Variants in MSRB3 observed in about 807,000 individuals in gnomAD.
MSRB3 encodes methionine sulfoxide reductase B3, also known as methionine-R-sulfoxide reductase B3.
A neutral mutation model predicts 21.0 loss-of-function variants in MSRB3; 13 were observed. The ratio of observed to expected loss-of-function variants is 0.62; its 90% confidence interval spans 0.40 to 0.98. MSRB3 has a LOEUF of 0.98. Among genes scored for constraint, MSRB3 ranks in the 50% least tolerant of loss-of-function variants. The pLI is 0.00. For synonymous variants in MSRB3, 87 were observed against 88.6 expected (o/e 0.98, Z 0.10); for missense variants, 199 against 230.3 (o/e 0.86, Z 0.88).
intron 5 of MSRB3, among the ~76,000 whole-genome samples, chr12:65,432,749 G>A (rs555063918): frequency 6.6e-6 from 1 of 152,004 alleles, no homozygotes; most frequent in Admixed American, 6.6e-5. Context: ...GTTCAAGCCT[G>A]TTGGCTTAAT....
intron 5 of MSRB3, among the ~76,000 whole-genome samples, chr12:65,401,970 A>C (rs1880151661): frequency 6.6e-6 from 1 of 152,202 alleles, no homozygotes; most frequent in Non-Finnish European, 1.5e-5. Context: ...GAGTTTCTGC[A>C]GAAAGATCTG....
At chr12:65,411,119 GT>G (rs1880695512) in intron 5 of MSRB3, among the ~76,000 whole-genome samples, 1 of 152,172 alleles carries the variant, frequency 6.6e-6, no homozygotes, top group Non-Finnish European at 1.5e-5. Context: ...ATAGAGGCCT[GT>G]TTTCAGATTC....
chr12:65,284,753 C>A (rs566808085), intron 1 of MSRB3: 1 of 152,116 alleles, frequency 6.6e-6, no homozygotes, highest in Non-Finnish European at 1.5e-5. Flanking sequence ...TAAAAGATGC[C>A]GAGTCGGTAT....
At chr12:65,291,261 T>G (rs1471058481) in intron 1 of MSRB3, among the ~76,000 whole-genome samples, 1 of 151,982 alleles carries the variant, frequency 6.6e-6, no homozygotes, top group Admixed American at 6.6e-5. Flanking sequence ...AATCTTTGTA[T>G]TTTTAGAAGA....
intron 5 of MSRB3, among the ~76,000 whole-genome samples, chr12:65,430,660 C>T (rs1881831683): frequency 6.6e-6 from 1 of 152,080 alleles, no homozygotes; most frequent in Non-Finnish European, 1.5e-5. Context: ...AAAACTTGAC[C>T]TCCTTCTTTC....
intron 5 of MSRB3, among the ~76,000 whole-genome samples, chr12:65,384,877 C>G (rs1879129942): frequency 6.6e-6 from 1 of 152,110 alleles, no homozygotes; most frequent in Non-Finnish European, 1.5e-5. Context: ...CATTTGGAAA[C>G]AGGCCATTTT....
chr12:65,439,986 T>TA (rs1882295691), intron 5 of MSRB3, among the ~76,000 whole-genome samples: 1 of 151,778 alleles, frequency 6.6e-6, no homozygotes, highest in Non-Finnish European at 1.5e-5. Flanking sequence ...ATAATAAACT[T>TA]ACATTGGCAT....
At chr12:65,457,521 TC>T (rs1200849818) in intron 6 of MSRB3, among the ~76,000 whole-genome samples, 2 of 152,172 alleles carry the variant, frequency 1.3e-5, no homozygotes, top group Non-Finnish European at 2.9e-5. Context: ...GTTTCCAGCT[TC>T]ATCCATGTCC....
chr12:65,365,513 C>T (rs1377168803), intron 4 of MSRB3, among the ~76,000 whole-genome samples: 5 of 152,104 alleles, frequency 3.3e-5, no homozygotes, highest in Non-Finnish European at 5.9e-5. Flanking sequence ...ACCCTTTATA[C>T]GCCATGCAGA....
chr12:65,360,402 T>C (rs1057048969), intron 4 of MSRB3, among the ~76,000 whole-genome samples: 1 of 152,116 alleles, frequency 6.6e-6, no homozygotes, highest in African/African-American at 2.4e-5. Flanking sequence ...AATTACATTA[T>C]TTTAGAGGAA....
chr12:65,373,017 A>C (rs183210799), intron 5 of MSRB3, among the ~76,000 whole-genome samples: 2 of 152,322 alleles, frequency 1.3e-5, no homozygotes, highest in Admixed American at 1.3e-4. Flanking sequence ...AAAATCCAAA[A>C]TATTTGTTCT....
intron 4 of MSRB3, among the ~76,000 whole-genome samples, chr12:65,340,354 A>G (rs1592540243): frequency 6.6e-6 from 1 of 152,162 alleles, no homozygotes; most frequent in South Asian, 2.1e-4. Context: ...GATAAGAAAT[A>G]TGTTTCAGTT....
intron 1 of MSRB3, chr12:65,286,084 CTT>C (rs2136387014): frequency 6.6e-6 from 1 of 152,128 alleles, no homozygotes; most frequent in Admixed American, 6.5e-5. Flanking sequence ...TACTATAAAA[CTT>C]TGAAATAAGT....
chr12:65,398,085 T>C (rs1229492532), intron 5 of MSRB3, among the ~76,000 whole-genome samples: 1 of 152,238 alleles, frequency 6.6e-6, no homozygotes, highest in Non-Finnish European at 1.5e-5. Flanking sequence ...ACATATGTCT[T>C]TATAGTAGAA....
chr12:65,348,108 T>G (rs1876654465), intron 4 of MSRB3, among the ~76,000 whole-genome samples: 1 of 152,190 alleles, frequency 6.6e-6, no homozygotes. Context: ...ATAAAATGAG[T>G]TAGGGAGGAT....
intron 5 of MSRB3, among the ~76,000 whole-genome samples, chr12:65,391,874 T>C (rs1879501511): frequency 6.6e-6 from 1 of 152,036 alleles, no homozygotes; most frequent in African/African-American, 2.4e-5. Flanking sequence ...TAAAAGAAAA[T>C]GGGAGAGTGT....
intron 5 of MSRB3, among the ~76,000 whole-genome samples, chr12:65,387,572 G>C (rs1395513241): frequency 6.6e-6 from 1 of 152,156 alleles, no homozygotes; most frequent in Admixed American, 6.5e-5. Flanking sequence ...CTGGAAATAA[G>C]AGCAGGGCTT....
intron 5 of MSRB3, among the ~76,000 whole-genome samples, chr12:65,389,529 T>G (rs564966903): frequency 3.9e-5 from 6 of 152,300 alleles, no homozygotes; most frequent in African/African-American, 1.4e-4. Flanking sequence ...AGGATTTTAG[T>G]TTTCCACTCT....
At chr12:65,307,210 T>C (rs1873706360) in intron 1 of MSRB3, among the ~76,000 whole-genome samples, 1 of 152,232 alleles carries the variant, frequency 6.6e-6, no homozygotes, top group Non-Finnish European at 1.5e-5. Context: ...TGTTTATTTA[T>C]GTTTAATGGT....
Sources: allele counts gnomAD v4.1 joint callset (sites outside exome capture counted in the v4.1 genomes callset), GRCh38; gene constraint gnomAD v4.1.1; transcripts MANE v1.5; gene names NCBI Gene and HGNC (gene_info 2026-07-23, HGNC 2026-07-21).